The following TRAK1 variants were observed in gnomAD, a reference collection of about 807,000 sequenced individuals.
TRAK1 encodes the protein trafficking kinesin-binding protein 1.
In TRAK1, 33 loss-of-function variants were observed where a neutral mutation model predicts 92.1. The ratio of observed to expected loss-of-function variants is 0.36; its 90% CI spans 0.27 to 0.48. The LOEUF (loss-of-function observed/expected upper bound fraction) is 0.48. Among genes scored for constraint, TRAK1 ranks in the 20% least tolerant of loss-of-function variants. The pLI, the probability that TRAK1 is intolerant of heterozygous loss-of-function variation, is 0.99. For synonymous variants in TRAK1, 521 were observed against 517.3 expected, an observed-to-expected ratio of 1.01 and a Z score of -0.10; for missense variants, 1,123 against 1,257.9, an observed-to-expected ratio of 0.89 and a Z score of 1.62.
chr3:42,116,571 A>G (rs1709191085), intron 1 of TRAK1, among the ~76,000 whole-genome samples: 1 of 152,206 alleles, frequency 6.6e-6, no homozygotes, highest in South Asian at 2.1e-4. Context: ...ATTGTTTCCA[A>G]GTCTGTACAG....
intron 1 of TRAK1, among the ~76,000 whole-genome samples, chr3:42,060,028 CTT>C (rs1703362638): frequency 6.6e-6 from 1 of 152,296 alleles, no homozygotes; most frequent in South Asian, 2.1e-4. Flanking sequence ...TAAGAAATGT[CTT>C]TTCTTTTTAA....
intron 1 of TRAK1, among the ~76,000 whole-genome samples, chr3:42,038,628 A>G (rs1702414890): frequency 1.3e-5 from 2 of 151,978 alleles, no homozygotes; most frequent in South Asian, 4.1e-4. Context: ...TCTACTAAAA[A>G]TACAAAAGAA....
chr3:42,108,683 G>T (rs1428492656), intron 1 of TRAK1, among the ~76,000 whole-genome samples: 5 of 152,054 alleles, frequency 3.3e-5, no homozygotes, highest in African/African-American at 9.6e-5. Context: ...GCTTGTGGAA[G>T]CTCTGTTCTA....
chr3:42,092,786 G>A (rs967809003), intron 1 of TRAK1, among the ~76,000 whole-genome samples: 2 of 127,524 alleles, frequency 1.6e-5, no homozygotes, highest in African/African-American at 5.8e-5. Flanking sequence ...GTGACTCACT[G>A]TATTGCCCAG....
intron 1 of TRAK1, among the ~76,000 whole-genome samples, chr3:42,068,770 AT>A (rs1703786745): frequency 6.6e-6 from 1 of 152,206 alleles, no homozygotes; most frequent in Admixed American, 6.5e-5. Flanking sequence ...TAGAGCAGTC[AT>A]TTATTGAACA....
chr3:42,057,554 T>G (rs1355784718), intron 1 of TRAK1, among the ~76,000 whole-genome samples: 1 of 152,124 alleles, frequency 6.6e-6, no homozygotes, highest in Non-Finnish European at 1.5e-5. Context: ...CCCTTTGCTG[T>G]AGTTGTGACT....
chr3:42,091,522 G>T lies in TRAK1; in HGVS notation c.53G>T (p.Gly18Val). 6.2e-7 allele frequency: 1 copy of T among 1,613,478 alleles called. No homozygotes were observed. The highest frequency in any genetic ancestry group is 8.5e-7 in the Non-Finnish European group (1 of 1,179,856). ...GQPVRAQPLP[G>V]LCHGKLIRTN... Reference sequence around the variant, plus strand: ...CCCGTCAGGGCTCAGCCTCTGCCAGGACTCTGCCACGGCAAGCTCATTCGG... The same window carrying T: ...CCCGTCAGGGCTCAGCCTCTGCCAGTACTCTGCCACGGCAAGCTCATTCGG... The change falls in exon 1 of 16, where the codon GGA becomes GTA. Residue 18 changes from glycine to valine, a missense_variant. Around this residue, in one of 3 missense-constraint regions of TRAK1, gnomAD observed 686 missense variants for 747.6 expected, o/e 0.92. Coordinates refer to ENST00000327628, the MANE Select transcript of TRAK1 (RefSeq NM_001042646.3).
At chr3:42,016,305 A>G (rs1003308458) in intron 1 of TRAK1, among the ~76,000 whole-genome samples, 4 of 152,112 alleles carry the variant, frequency 2.6e-5, no homozygotes, top group South Asian at 2.1e-4. Context: ...CACAGGTTCA[A>G]GTGATTCTTT....
intron 14 of TRAK1, chr3:42,219,109 A>T: frequency 1.0e-6 from 1 of 985,368 alleles, no homozygotes; most frequent in South Asian, 4.7e-5. Flanking sequence ...TGCCAATGCA[A>T]AGAAATGTAA....
intron 1 of TRAK1, among the ~76,000 whole-genome samples, chr3:42,022,828 A>G (rs1057441018): frequency 2.0e-5 from 3 of 152,090 alleles, no homozygotes; most frequent in Admixed American, 1.3e-4. Context: ...TCTTGATGGT[A>G]TAGTAGAAGT....
chr3:42,051,805 C>G (rs979527341), intron 1 of TRAK1: 2 of 152,232 alleles, frequency 1.3e-5, no homozygotes, highest in African/African-American at 4.8e-5. Flanking sequence ...ACTGAGAGAC[C>G]TTTATCTTTT....
chr3:42,056,951 A>G (rs1703227743), intron 1 of TRAK1, among the ~76,000 whole-genome samples: 1 of 152,228 alleles, frequency 6.6e-6, no homozygotes. Flanking sequence ...TGCCTCAGTT[A>G]GAGGAGCCAG....
At chr3:42,166,312 C>A (rs915119156) in intron 2 of TRAK1, among the ~76,000 whole-genome samples, 1 of 152,066 alleles carries the variant, frequency 6.6e-6, no homozygotes, top group African/African-American at 2.4e-5. Flanking sequence ...GACATACAGA[C>A]AACTCTTAAC....
chr3:42,014,291 C>T (rs933443395), intron 1 of TRAK1, among the ~76,000 whole-genome samples: 17 of 152,278 alleles, frequency 1.1e-4, no homozygotes, highest in Middle Eastern at 3.4e-3. Flanking sequence ...AGGAGGCCCT[C>T]GGAGCCCGGA....
At chr3:42,183,883 C>CT (rs148898034) in intron 3 of TRAK1, among the ~76,000 whole-genome samples, 3,081 of 152,238 alleles carry the variant, frequency 0.02, 58 homozygotes, top group Non-Finnish European at 0.027. Flanking sequence ...CAGGGGACGT[C>CT]TTTTTTCCCA....
chr3:42,062,509 A>G (rs1703492317), intron 1 of TRAK1, among the ~76,000 whole-genome samples: 1 of 152,198 alleles, frequency 6.6e-6, no homozygotes, highest in South Asian at 2.1e-4. Context: ...GCATGACTAT[A>G]CTGCTACCCC....
intron 9 of TRAK1, 138 bp from the exon 10 acceptor site, chr3:42,194,666 A>C: frequency 1.1e-6 from 1 of 952,036 alleles, no homozygotes; most frequent in Non-Finnish European, 1.5e-6. Context: ...TTATTTGGCC[A>C]CAGGCGCACA....
chr3:42,081,758 A>G (rs1480849376), intron 1 of TRAK1, among the ~76,000 whole-genome samples: 2 of 152,212 alleles, frequency 1.3e-5, no homozygotes, highest in African/African-American at 2.4e-5. Flanking sequence ...TTATAATGTT[A>G]ATGACAGTAA....
chr3:42,158,961 A>AAATAATAATAATAATAATAATAAT (rs4016239), intron 2 of TRAK1, among the ~76,000 whole-genome samples: 1 of 140,182 alleles, frequency 7.1e-6, no homozygotes, highest in African/African-American at 2.6e-5. Flanking sequence ...TCTGTCTCAA[A>AAATAATAATAATAATAATAATAAT]AATAATAATA....
Sources: allele counts gnomAD v4.1 joint callset (sites outside exome capture counted in the v4.1 genomes callset), GRCh38; gene constraint gnomAD v4.1.1; regional missense constraint gnomAD v4.1.1; transcripts MANE v1.5; gene names NCBI Gene and HGNC (gene_info 2026-07-23, HGNC 2026-07-21).